Variants in CARNMT1 observed in about 807,000 individuals in gnomAD.
CARNMT1 encodes protein-L-histidine N-pros-methyltransferase CARNMT1.
A neutral mutation model predicts 49.6 loss-of-function variants in CARNMT1; 28 were observed. The ratio of observed to expected loss-of-function variants is 0.56; its 90% CI spans 0.42 to 0.77. The LOEUF is 0.77. Among genes scored for constraint, CARNMT1 ranks in the 30% least tolerant of loss-of-function variants. CARNMT1 has a pLI of 0.00. For missense variants in CARNMT1, 421 were observed against 512.6 expected, an observed-to-expected ratio of 0.82 and a Z score of 1.73; for synonymous variants, 178 against 175.0, an observed-to-expected ratio of 1.02 and a Z score of -0.13.
chr9:75,016,551 A>G lies in CARNMT1; in HGVS notation c.427-120T>C, dbSNP rs1443636957. ...TTAGTGGATAAATCACTAGCCTCTC[A>G]CCTCAACTGGGGTTCAAGTGCAGCT... On this transcript the variant is annotated intron_variant, in intron 2 of 7. Coordinates refer to ENST00000376834, the MANE Select transcript of CARNMT1 (RefSeq NM_152420.3). The G allele has an allele frequency of 3.4e-6, 3 of 872,482 alleles. No individual in the cohort carries two copies. The African/African-American group carries it at 5.1e-5, about 15-fold the overall frequency. The allele number at this position is 872,482 out of a possible 1,614,324, so 54.0% of individuals were successfully genotyped here.
At chr9:74,999,930 T>A in intron 3 of CARNMT1, 60 bp from the exon 4 acceptor site, 1 of 1,513,490 alleles carries the variant, frequency 6.6e-7, no homozygotes. Context: ...AAAGACAAAA[T>A]CCACATTAAC....
At chr9:75,002,671 T>G (rs1165040796) in intron 3 of CARNMT1, among the ~76,000 whole-genome samples, 1 of 152,250 alleles carries the variant, frequency 6.6e-6, no homozygotes, top group Non-Finnish European at 1.5e-5. Context: ...AAAAAAAATT[T>G]TTTTTTAATA....
At chr9:75,027,924 G>A (rs957569898) in intron 1 of CARNMT1, 88 bp downstream of exon 1, 189 of 1,374,888 alleles carry the variant, frequency 1.4e-4, no homozygotes, top group Middle Eastern at 2.4e-4. Context: ...CGTGGCGGCG[G>A]GACGGCGAGC....
chr9:74,995,263 G>C (rs1833152546), intron 6 of CARNMT1, among the ~76,000 whole-genome samples: 1 of 152,114 alleles, frequency 6.6e-6, no homozygotes, highest in African/African-American at 2.4e-5. Context: ...TAAGCTACAG[G>C]ACTGTTCTGC....
intron 3 of CARNMT1, among the ~76,000 whole-genome samples, chr9:75,005,362 A>C (rs1833470575): frequency 6.6e-6 from 1 of 152,232 alleles, no homozygotes; most frequent in Non-Finnish European, 1.5e-5. Context: ...AGGCATATTA[A>C]AAACTTGAAA....
intron 3 of CARNMT1, among the ~76,000 whole-genome samples, chr9:75,012,354 T>G (rs2118842984): frequency 6.6e-6 from 1 of 151,620 alleles, no homozygotes; most frequent in South Asian, 2.1e-4. Context: ...TGGCATGATC[T>G]TGACTCACTG....
At chr9:75,027,370 C>T (rs1042121571) in intron 1 of CARNMT1, 61 of 957,740 alleles carry the variant, frequency 6.4e-5, no homozygotes, top group Non-Finnish European at 7.5e-5. Context: ...TGTGACTTCT[C>T]TCATCTCTCC....
chr9:74,996,371 C>A, intron 6 of CARNMT1, 76 bp downstream of exon 6: 1 of 730,600 alleles, frequency 1.4e-6, no homozygotes. Flanking sequence ...ACATTTGAGA[C>A]TGTGAAGTTA....
Position 74,983,691 on chromosome 9 carries a change from G to T in CARNMT1, c.*76C>A. On this transcript the variant is annotated 3_prime_UTR_variant, in exon 8 of 8. Transcript: ENST00000376834. ...TTTGAGGTTGTGTCCTGTCATCACTGATAGTTGATTTTGAGTCGTTGATTT... is the reference window on the plus strand; with the variant it reads ...TTTGAGGTTGTGTCCTGTCATCACTTATAGTTGATTTTGAGTCGTTGATTT... 1.2e-6 allele frequency: 1 copy of T among 814,874 alleles called. No homozygotes were observed. The highest frequency in any genetic ancestry group is 2.0e-6 in the Non-Finnish European group (1 of 497,670). The allele number at this position is 814,874 out of a possible 1,614,324, so 50.5% of individuals were successfully genotyped here. A position where few individuals can be genotyped will look rare whatever the true frequency, so the allele number is the denominator to read the frequency against.
At chr9:75,008,202 A>T (rs952344220) in intron 3 of CARNMT1, among the ~76,000 whole-genome samples, 1 of 146,376 alleles carries the variant, frequency 6.8e-6, no homozygotes, top group Non-Finnish European at 1.5e-5. Flanking sequence ...AAAAACCCTC[A>T]TAATGTTTTA....
chr9:75,010,021 G>C (rs543489040), intron 3 of CARNMT1: 5 of 150,952 alleles, frequency 3.3e-5, no homozygotes, highest in Admixed American at 6.6e-5. Context: ...GTAGGGGTGT[G>C]CATGTATATG....
chr9:74,988,624 A>G (rs1436381984), intron 6 of CARNMT1, among the ~76,000 whole-genome samples: 2 of 152,216 alleles, frequency 1.3e-5, no homozygotes, highest in Admixed American at 1.3e-4. Context: ...ACAGACTTCT[A>G]GAAGTATAAT....
At chr9:75,027,785 G>A (rs1822573580) in intron 1 of CARNMT1, among the ~76,000 whole-genome samples, 1 of 152,244 alleles carries the variant, frequency 6.6e-6, no homozygotes, top group African/African-American at 2.4e-5. Flanking sequence ...GAGGTCAGAA[G>A]ACACGAGGCT....
At position 74,982,287 on chromosome 9, in the gene CARNMT1, T is replaced by A. The variant is rs1174354575; in HGVS notation, c.*1480A>T. The A allele has an allele frequency of 6.6e-6, 1 of 152,188 alleles. No individual in the cohort carries two copies. The highest frequency in any genetic ancestry group is 1.9e-4 in the East Asian group (1 of 5,198). The allele number at this position is 152,188 out of a possible 1,614,324, so 9.4% of individuals were successfully genotyped here. A position where few individuals can be genotyped will look rare whatever the true frequency, so the allele number is the denominator to read the frequency against. On this transcript the variant is annotated 3_prime_UTR_variant, in exon 8 of 8. Coordinates refer to ENST00000376834, the MANE Select transcript of CARNMT1 (RefSeq NM_152420.3). ...CATTACTGAGATTAAATCCATCTAA[T>A]TTAAATTGCCACAGAGGTCATTTAA...
intron 6 of CARNMT1, among the ~76,000 whole-genome samples, chr9:74,994,741 C>T (rs1315700893): frequency 6.6e-6 from 1 of 151,988 alleles, no homozygotes; most frequent in Non-Finnish European, 1.5e-5. Context: ...CATTCTTTAA[C>T]TTATACATGC....
At chr9:75,024,132 A>G (rs1485190786) in intron 1 of CARNMT1, among the ~76,000 whole-genome samples, 1 of 152,206 alleles carries the variant, frequency 6.6e-6, no homozygotes, top group African/African-American at 2.4e-5. Flanking sequence ...CCATGGTCAC[A>G]GGCCCATTCC....
intron 3 of CARNMT1, among the ~76,000 whole-genome samples, chr9:75,007,601 C>T (rs1421163756): frequency 1.3e-5 from 2 of 151,526 alleles, no homozygotes; most frequent in African/African-American, 4.9e-5. Context: ...TGGTGTTGGG[C>T]GCCTGTAATC....
At chr9:75,024,372 T>C (rs1822464970) in intron 1 of CARNMT1, among the ~76,000 whole-genome samples, 1 of 152,198 alleles carries the variant, frequency 6.6e-6, no homozygotes, top group Non-Finnish European at 1.5e-5. Flanking sequence ...GCAAGTTGCT[T>C]ACCGCTTTGT....
intron 1 of CARNMT1, among the ~76,000 whole-genome samples, chr9:75,024,986 C>T (rs1461709008): frequency 1.3e-5 from 2 of 152,058 alleles, no homozygotes; most frequent in Admixed American, 6.6e-5. Context: ...TTAAGAAAGT[C>T]GTAGGAAAGG....
Sources: allele counts gnomAD v4.1 joint callset (sites outside exome capture counted in the v4.1 genomes callset), GRCh38; gene constraint gnomAD v4.1.1; transcripts MANE v1.5; gene names NCBI Gene and HGNC (gene_info 2026-07-23, HGNC 2026-07-21).